RFTN1: variants seen among roughly 807,000 people sequenced by gnomAD.
RFTN1 encodes raftlin, lipid raft linker 1, also known as raftlin.
Under a neutral mutation model 46.5 loss-of-function variants are expected in RFTN1, and 26 were observed. The ratio of observed to expected loss-of-function variants is 0.56; its 90% CI spans 0.41 to 0.78. The LOEUF (loss-of-function observed/expected upper bound fraction) is 0.78. Among genes scored for constraint, RFTN1 ranks in the 30% least tolerant of loss-of-function variants. The pLI is 0.00. For synonymous variants in RFTN1, 261 were observed against 284.2 expected, an observed-to-expected ratio of 0.92 and a Z score of 0.82; for missense variants, 693 against 718.7, an observed-to-expected ratio of 0.96 and a Z score of 0.41.
rs576972861 is a variant in RFTN1, at chr3:16,351,892, C to A, written c.1146+6040G>T. 6.6e-6 allele frequency among the ~76,000 whole-genome samples: 1 copy of A among 151,884 alleles called. No homozygotes were observed. Among genetic ancestry groups the A allele is most frequent in the Non-Finnish European group, 1.5e-5 (1 of 67,980 alleles). ...GACTAGAAAGACTAGAAAAAAAAAT[C>A]ATGAAAACATGGATTCTGCAGTCAG... On this transcript the variant is annotated intron_variant, in intron 7 of 9. Transcript: ENST00000334133. The surrounding 1 kb of genome is among the most constrained non-coding windows in gnomAD (Gnocchi z 5.4).
rs1220817048 is a variant in RFTN1, at chr3:16,345,820, GCGCGCGCGTGCGCGCA to G, written c.1146+12096_1146+12111del. Among the ~76,000 whole-genome samples, 340 of 56,920 alleles carry G rather than the reference GCGCGCGCGTGCGCGCA, an allele frequency of 6.0e-3. 2 individuals are homozygous for G. Among genetic ancestry groups the G allele is most frequent in the East Asian group, 0.034 (79 of 2,312 alleles). 37.3% of individuals were successfully genotyped at this position (56,920 alleles called of 152,430 possible). The stretch of plus-strand genomic sequence containing the variant: ...TGTGTGTGTGTGTGTGTGTGTGTGC[GCGCGCGCGTGCGCGCA>G]CGCGCACATGTGCATGTGTATGTGT... On this transcript the variant is annotated intron_variant, in intron 7 of 9. Transcript: ENST00000334133. The surrounding 1 kb of genome is among the most constrained non-coding windows in gnomAD (Gnocchi z 5.2).
In RFTN1 at chr3:16,322,361, C is replaced by T. The variant is rs1267332277; in HGVS notation, c.1332+1015G>A. Among the ~76,000 whole-genome samples the T allele has an allele frequency of 6.6e-6, 1 of 152,216 alleles. No individual in the cohort carries two copies. Among genetic ancestry groups the T allele is most frequent in the Admixed American group, 6.5e-5 (1 of 15,286 alleles). ...GGAGTTGTTGGCTGGTGAGGGGCTG[C>T]TCCAATCTGTTCATTTACTTGATGC... On this transcript the variant is annotated intron_variant, in intron 9 of 9. Coordinates refer to ENST00000334133, the MANE Select transcript of RFTN1 (RefSeq NM_015150.2). This position sits in a 1 kb window ranked among gnomAD's most constrained non-coding sequence, Gnocchi z 6.2.
chr3:16,342,708 A>C lies in RFTN1; in HGVS notation c.1146+15224T>G, dbSNP rs1691333755. Reference sequence around the variant, plus strand: ...TTCTTAAGTCTAATTTGCCAAGCCTAATTTGCCACTTCACCCGAAAAGGAT... The same window carrying C: ...TTCTTAAGTCTAATTTGCCAAGCCTCATTTGCCACTTCACCCGAAAAGGAT... On this transcript the variant is annotated intron_variant, in intron 7 of 9. Transcript: ENST00000334133. This position sits in a 1 kb window ranked among gnomAD's most constrained non-coding sequence, Gnocchi z 4.0. Among the ~76,000 whole-genome samples, 1 of 152,220 alleles carries C rather than the reference A, an allele frequency of 6.6e-6. No homozygotes were observed. Among genetic ancestry groups the C allele is most frequent in the Admixed American group, 6.5e-5 (1 of 15,290 alleles).
At chr3:16,389,601 TCCA>T (rs2074299237) in intron 4 of RFTN1, among the ~76,000 whole-genome samples, 1 of 152,234 alleles carries the variant, frequency 6.6e-6, no homozygotes, top group Non-Finnish European at 1.5e-5. Context: ...TGAATTTATT[TCCA>T]CTTCTCGCCT....
intron 6 of RFTN1, among the ~76,000 whole-genome samples, chr3:16,366,010 G>T (rs2073144644): frequency 6.6e-6 from 1 of 152,156 alleles, no homozygotes; most frequent in Admixed American, 6.6e-5. Context: ...GTGGAGGACT[G>T]CCAGGGTAGG....
chr3:16,476,681 C>T (rs1244546886), intron 2 of RFTN1, among the ~76,000 whole-genome samples: 1 of 152,162 alleles, frequency 6.6e-6, no homozygotes, highest in Admixed American at 6.5e-5. Flanking sequence ...CAGAGAGAAA[C>T]ACCCTGGGTC....
At chr3:16,398,405 CAG>C (rs139161015) in intron 4 of RFTN1, among the ~76,000 whole-genome samples, 30 of 152,250 alleles carry the variant, frequency 2.0e-4, no homozygotes, top group African/African-American at 4.6e-4. Flanking sequence ...GGATGGAAAA[CAG>C]AAACTCCAAA....
rs138636176 is a variant in RFTN1, at chr3:16,355,413, G to A, written c.1146+2519C>T. Among the ~76,000 whole-genome samples, 344 of 152,340 alleles carry A rather than the reference G, an allele frequency of 2.3e-3. 7 individuals carry two copies. In the East Asian group the frequency reaches 0.056, roughly 25 times the overall value. On this transcript the variant is annotated intron_variant, in intron 7 of 9. Coordinates refer to ENST00000334133, the MANE Select transcript of RFTN1 (RefSeq NM_015150.2). Reference sequence around the variant, plus strand: ...CAGGCATCTTGACACTGACCAACAGGTTTAATGTCTGGCAAAGGCCCATTC... The same window carrying A: ...CAGGCATCTTGACACTGACCAACAGATTTAATGTCTGGCAAAGGCCCATTC...
At position 16,428,542 on chromosome 3, in the gene RFTN1, C is replaced by T. The variant is rs944401615; in HGVS notation, c.332+5309G>A. 1.3e-5 allele frequency among the ~76,000 whole-genome samples: 2 copies of T among 152,186 alleles called. No individual in the cohort carries two copies. Among genetic ancestry groups the T allele is most frequent in the African/African-American group, 4.8e-5 (2 of 41,436 alleles). On this transcript the variant is annotated intron_variant, in intron 3 of 9. Transcript: ENST00000334133. The surrounding 1 kb of genome is among the most constrained non-coding windows in gnomAD (Gnocchi z 4.7). The stretch of plus-strand genomic sequence containing the variant: ...GCATTAACTACAGGTCCTCTGTGTG[C>T]CCCCACCCTAATCCTAGGCCAAAAG...
At chr3:16,358,943 A>C (rs369640743) in intron 6 of RFTN1, among the ~76,000 whole-genome samples, 48 of 150,972 alleles carry the variant, frequency 3.2e-4, no homozygotes, top group Non-Finnish European at 4.4e-4. Context: ...GAGGCAGGAG[A>C]ATCGCTTGAA....
At chr3:16,492,837 G>A (rs1049628905) in intron 2 of RFTN1, among the ~76,000 whole-genome samples, 3 of 152,168 alleles carry the variant, frequency 2.0e-5, no homozygotes, top group East Asian at 1.9e-4. Flanking sequence ...ACAGGCTCAC[G>A]ACTTCCCCCC....
Position 16,358,638 on chromosome 3 carries a change from C to T in RFTN1, c.1031-591G>A, listed in dbSNP as rs757708434. 1.8e-4 allele frequency among the ~76,000 whole-genome samples: 28 copies of T among 152,140 alleles called. No homozygotes were observed. The East Asian group carries it at 1.9e-3, about 10-fold the overall frequency. ...ACTGGAAATGTTTCCCTGGGTGCTG[C>T]TCTAGTCAATGTACCAGGTTCTGAG... is the stretch of plus-strand genomic sequence containing the variant. On this transcript the variant is annotated intron_variant, in intron 6 of 9. Coordinates refer to ENST00000334133, the MANE Select transcript of RFTN1 (RefSeq NM_015150.2).
intron 2 of RFTN1, chr3:16,434,561 G>C (rs2075464573): frequency 6.6e-6 from 1 of 152,060 alleles, no homozygotes; most frequent in Admixed American, 6.5e-5. Flanking sequence ...TCTCAAAAAT[G>C]AAATAAAATA....
At chr3:16,371,456 C>G (rs1388570407) in intron 5 of RFTN1, among the ~76,000 whole-genome samples, 1 of 152,122 alleles carries the variant, frequency 6.6e-6, no homozygotes, top group Non-Finnish European at 1.5e-5. Flanking sequence ...GAAGGCAGTC[C>G]GCTACCACTT....
rs140474700 is a variant in RFTN1 at position 16,354,598 on chromosome 3, G to A, written c.1146+3334C>T. On this transcript the variant is annotated intron_variant, in intron 7 of 9. Transcript: ENST00000334133. ...CTTCAGGTCTTCCTTTCGTTGTCTT[G>A]GTGAATAGCATATGGCATCCTTCCA... is the stretch of plus-strand genomic sequence containing the variant. Among the ~76,000 whole-genome samples the A allele has an allele frequency of 1.1e-3, 174 of 152,300 alleles. 1 individual carries two copies. The highest frequency in any genetic ancestry group is 3.7e-3 in the African/African-American group (153 of 41,562).
At chr3:16,393,821 G>A (rs1241654731) in intron 4 of RFTN1, among the ~76,000 whole-genome samples, 1 of 151,852 alleles carries the variant, frequency 6.6e-6, no homozygotes, top group Non-Finnish European at 1.5e-5. Flanking sequence ...ACCATACCCG[G>A]CTAATTTTTT....
intron 2 of RFTN1, chr3:16,482,908 A>G: frequency 2.2e-6 from 3 of 1,374,768 alleles, no homozygotes; most frequent in East Asian, 5.0e-5. Flanking sequence ...GCGGAAATAT[A>G]GAAAGTCCCG....
At chr3:16,360,318 C>A (rs1219444457) in intron 6 of RFTN1, among the ~76,000 whole-genome samples, 2 of 152,148 alleles carry the variant, frequency 1.3e-5, no homozygotes, top group East Asian at 3.9e-4. Flanking sequence ...ACCACAGGCA[C>A]ATGCCACCAC....
chr3:16,441,299 T>TAAAAAAAAAAAAAAAAAAAAAAAAA (rs59877269), intron 2 of RFTN1, among the ~76,000 whole-genome samples: 1 of 47,554 alleles, frequency 2.1e-5, no homozygotes, highest in African/African-American at 6.6e-5. Context: ...TTCCAAGAAC[T>TAAAAAAAAAAAAAAAAAAAAAAAAA]AAAAAAAAAA....
Sources: gnomAD v4.1 joint callset for allele counts (sites outside exome capture counted in the v4.1 genomes callset) on GRCh38, gnomAD v4.1.1 for gene constraint, Gnocchi (gnomAD v3.1) non-coding constraint, MANE v1.5 for transcripts, NCBI Gene and HGNC (gene_info 2026-07-23, HGNC 2026-07-21) for gene names.